The following OGDH variants were observed in gnomAD, a reference collection of about 807,000 sequenced individuals.
OGDH encodes the protein 2-oxoglutarate dehydrogenase complex component E1.
OGDH carries 38 observed loss-of-function variants against 116.6 expected under a neutral mutation model. That is an observed-to-expected ratio of 0.33 (90% CI 0.25 to 0.43). The LOEUF (loss-of-function observed/expected upper bound fraction) is 0.43. Among genes scored for constraint, OGDH ranks in the 20% least tolerant of loss-of-function variants. The probability of loss-of-function intolerance (pLI) is 1.00; values close to 1 mark genes in which losing one functional copy is unlikely to be tolerated. For missense variants in OGDH, 825 were observed against 1,357.2 expected (o/e 0.61, Z 6.16); for synonymous variants, 488 against 533.3 (o/e 0.92, Z 1.17).
chr7:44,638,467 C>T (rs2115684470), intron 2 of OGDH, among the ~76,000 whole-genome samples: 1 of 152,290 alleles, frequency 6.6e-6, no homozygotes, highest in South Asian at 2.1e-4. Flanking sequence ...TGTGTATTCT[C>T]AAGTCTGATT....
At chr7:44,616,656 T>C (rs549194702) in intron 1 of OGDH, among the ~76,000 whole-genome samples, 5 of 148,238 alleles carry the variant, frequency 3.4e-5, no homozygotes, top group African/African-American at 1.2e-4. Context: ...TATACACATA[T>C]ATATACGTAT....
At chr7:44,649,127 A>G (rs371630602) in intron 4 of OGDH, among the ~76,000 whole-genome samples, 3 of 152,060 alleles carry the variant, frequency 2.0e-5, no homozygotes, top group East Asian at 3.9e-4. Context: ...CAGCTGGTAG[A>G]CTTGCTGCTC....
intron 4 of OGDH, among the ~76,000 whole-genome samples, chr7:44,650,978 G>A (rs1401863197): frequency 2.0e-5 from 3 of 152,216 alleles, no homozygotes; most frequent in Non-Finnish European, 4.4e-5. Flanking sequence ...GGGGAAACAG[G>A]CTCACAGCAG....
At chr7:44,676,915 T>G (rs1787726936) in intron 9 of OGDH, among the ~76,000 whole-genome samples, 2 of 152,074 alleles carry the variant, frequency 1.3e-5, no homozygotes, top group Non-Finnish European at 2.9e-5. Flanking sequence ...TTGCTGTGAT[T>G]AGAGGCGGGA....
intron 2 of OGDH, among the ~76,000 whole-genome samples, chr7:44,625,305 A>G (rs1785162604): frequency 6.6e-6 from 1 of 151,942 alleles, no homozygotes; most frequent in Admixed American, 6.6e-5. Context: ...TTGTATTTTT[A>G]GTAGAGATGG....
At chr7:44,678,836 A>G (rs1787808609) in intron 9 of OGDH, among the ~76,000 whole-genome samples, 1 of 152,312 alleles carries the variant, frequency 6.6e-6, no homozygotes, top group East Asian at 1.9e-4. Context: ...AGTGTGTGTT[A>G]TGTAACTCTC....
intron 5 of OGDH, 65 bp downstream of exon 5, chr7:44,666,916 G>A (rs1347628179): frequency 1.1e-6 from 1 of 942,080 alleles, no homozygotes; most frequent in African/African-American, 1.7e-5. Flanking sequence ...GGATGGCTTT[G>A]AGACTAGTTT....
Position 44,708,139 on chromosome 7 carries a change from A to G in OGDH, c.*140A>G. The G allele has an allele frequency of 8.2e-7, 1 of 1,214,716 alleles. No homozygotes were observed. Among genetic ancestry groups the G allele is most frequent in the Non-Finnish European group, 1.1e-6 (1 of 876,298 alleles). 75.2% of individuals were successfully genotyped at this position (1,214,716 alleles called of 1,614,324 possible). ...CCACCACCCCTCCCTCTGCTCTCAT[A>G]GGAGTTAGGCTGTCGTCCCCCTCCA... On this transcript the variant is annotated 3_prime_UTR_variant, in exon 23 of 23. Transcript: ENST00000222673.
intron 14 of OGDH, 51 bp from the exon 15 acceptor site, chr7:44,696,863 G>GGCAT (rs758909504): frequency 1.9e-6 from 3 of 1,550,486 alleles, no homozygotes; most frequent in Non-Finnish European, 1.8e-6. Flanking sequence ...AAGCAAGGCA[G>GGCAT]GCATGTGCAG....
Position 44,707,125 on chromosome 7 carries a change from TGC to T in OGDH, c.2633-98_2633-97del. On this transcript the variant is annotated intron_variant, in intron 20 of 22. Coordinates refer to ENST00000222673, the MANE Select transcript of OGDH (RefSeq NM_002541.4). This position sits in a 1 kb window ranked among gnomAD's most constrained non-coding sequence, Gnocchi z 5.2. The stretch of plus-strand genomic sequence containing the variant: ...GGAAGCATCTCTAACCCTTGAAAGC[TGC>T]GTCTCCTGGCAGCAGTCCCTGGCAC... 2 of 1,274,342 alleles carry T rather than the reference TGC, an allele frequency of 1.6e-6. No individual in the cohort carries two copies. Among genetic ancestry groups the T allele is most frequent in the Non-Finnish European group, 2.2e-6 (2 of 910,104 alleles). 78.9% of individuals were successfully genotyped at this position (1,274,342 alleles called of 1,614,324 possible).
rs1393508733 is a variant in OGDH at position 44,608,366 on chromosome 7, C to G, written c.-28+1713C>G. Among the ~76,000 whole-genome samples the G allele has an allele frequency of 6.6e-5, 10 of 152,010 alleles. No homozygotes were observed. In the East Asian group the frequency reaches 1.9e-3, roughly 29 times the overall value. On this transcript the variant is annotated intron_variant, in intron 1 of 22. Coordinates refer to ENST00000222673, the MANE Select transcript of OGDH (RefSeq NM_002541.4). ...CAAGCTGCAGTGAGCCATTATTGCC[C>G]CACTGCACTCTAGCCTGGGTGACAC...
chr7:44,642,655 G>A lies in OGDH; in HGVS notation c.223-2672G>A, dbSNP rs150936296. ...AAACATTTTAAAGGCCAGGTGCAGT[G>A]GCTTACGCATGTAATCCCAGCACTT... On this transcript the variant is annotated intron_variant, in intron 2 of 22. Coordinates refer to ENST00000222673, the MANE Select transcript of OGDH (RefSeq NM_002541.4). Among the ~76,000 whole-genome samples the A allele has an allele frequency of 5.6e-4, 86 of 152,328 alleles. No individual in the cohort carries two copies. The East Asian group carries it at 0.015, about 27-fold the overall frequency.
chr7:44,695,939 G>C, intron 12 of OGDH, 86 bp from the exon 13 acceptor site: 1 of 743,058 alleles, frequency 1.3e-6, no homozygotes. Flanking sequence ...TTGCGTGGTG[G>C]CTGTCAGAAA....
chr7:44,622,132 G>T (rs1785033212), intron 1 of OGDH, among the ~76,000 whole-genome samples: 1 of 152,002 alleles, frequency 6.6e-6, no homozygotes, highest in Non-Finnish European at 1.5e-5. Flanking sequence ...CAACTCAGAG[G>T]CAATTGGGTA....
At chr7:44,610,418 C>G (rs1404547526) in intron 1 of OGDH, among the ~76,000 whole-genome samples, 1 of 152,004 alleles carries the variant, frequency 6.6e-6, no homozygotes, top group East Asian at 1.9e-4. Context: ...ATTCTTCCGC[C>G]TCAGCCTCCT....
At chr7:44,641,090 A>G (rs1439376564) in intron 2 of OGDH, among the ~76,000 whole-genome samples, 1 of 146,024 alleles carries the variant, frequency 6.8e-6, no homozygotes, top group Non-Finnish European at 1.5e-5. Flanking sequence ...TTTAGTAGAG[A>G]CAGGGTTTCA....
At chr7:44,696,231 T>C (rs753372634) in intron 13 of OGDH, 104 bp downstream of exon 13, 26 of 1,042,214 alleles carry the variant, frequency 2.5e-5, no homozygotes, top group Non-Finnish European at 3.6e-5. Context: ...GTACCCACAA[T>C]GCACAGTTGT....
At chr7:44,705,161 T>C (rs2083692509) in intron 20 of OGDH, among the ~76,000 whole-genome samples, 1 of 141,522 alleles carries the variant, frequency 7.1e-6, no homozygotes, top group African/African-American at 2.8e-5. Flanking sequence ...CACGCCATTC[T>C]CCTGCCTCAG....
At chr7:44,695,701 CAAAA>C in intron 12 of OGDH, among the ~76,000 whole-genome samples, 1 of 83,180 alleles carries the variant, frequency 1.2e-5, no homozygotes, top group African/African-American at 4.9e-5. Context: ...GACTCCGTCT[CAAAA>C]AAAAAAAAAA....
Sources: allele counts gnomAD v4.1 joint callset (sites outside exome capture counted in the v4.1 genomes callset), GRCh38; gene constraint gnomAD v4.1.1; non-coding constraint Gnocchi (gnomAD v3.1); transcripts MANE v1.5; gene names NCBI Gene and HGNC (gene_info 2026-07-23, HGNC 2026-07-21).